HNF4G: variants seen among roughly 807,000 people sequenced by gnomAD.
HNF4G encodes the protein hepatocyte nuclear factor 4-gamma.
A neutral mutation model predicts 50.9 loss-of-function variants in HNF4G; 21 were observed. The observed-to-expected ratio is 0.41, with a 90% CI of 0.29 to 0.59. The LOEUF is 0.59. Among genes scored for constraint, HNF4G ranks in the 20% least tolerant of loss-of-function variants. The pLI is 0.26. For synonymous variants in HNF4G, 198 were observed against 185.6 expected (o/e 1.07, Z -0.54); for missense variants, 527 against 559.4 (o/e 0.94, Z 0.58).
intron 1 of HNF4G, among the ~76,000 whole-genome samples, chr8:75,464,673 T>C (rs1811927250): frequency 6.6e-6 from 1 of 152,160 alleles, no homozygotes; most frequent in Admixed American, 6.5e-5. Context: ...TTTTATGGAG[T>C]CTATCAGATT....
chr8:75,525,496 C>T (rs1258518457), intron 2 of HNF4G, among the ~76,000 whole-genome samples: 1 of 152,114 alleles, frequency 6.6e-6, no homozygotes, highest in African/African-American at 2.4e-5. Flanking sequence ...AATATGTCAG[C>T]TTTAATGAGC....
At chr8:75,532,339 A>G (rs564113075) in intron 2 of HNF4G, among the ~76,000 whole-genome samples, 2 of 152,102 alleles carry the variant, frequency 1.3e-5, no homozygotes, top group South Asian at 4.1e-4. Flanking sequence ...TAAATACTAG[A>G]ACATAAAAAA....
intron 1 of HNF4G, among the ~76,000 whole-genome samples, chr8:75,458,322 A>C (rs1563514637): frequency 6.6e-6 from 1 of 151,846 alleles, no homozygotes; most frequent in Non-Finnish European, 1.5e-5. Context: ...GAAAGGAAAA[A>C]AATCAGCAGA....
chr8:75,439,561 C>G (rs556515524), intron 1 of HNF4G, among the ~76,000 whole-genome samples: 1 of 151,882 alleles, frequency 6.6e-6, no homozygotes, highest in African/African-American at 2.4e-5. Flanking sequence ...TACATTTTTT[C>G]TTAGAAAGAA....
intron 1 of HNF4G, among the ~76,000 whole-genome samples, chr8:75,461,183 C>T (rs986654175): frequency 2.6e-5 from 4 of 152,070 alleles, no homozygotes; most frequent in African/African-American, 7.2e-5. Flanking sequence ...TTTTACAGCT[C>T]GAGGTCAGAA....
At chr8:75,468,488 G>T (rs560539889) in intron 1 of HNF4G, among the ~76,000 whole-genome samples, 1 of 152,142 alleles carries the variant, frequency 6.6e-6, no homozygotes, top group Non-Finnish European at 1.5e-5. Flanking sequence ...GAGGTCAGGA[G>T]TTCGAGACCA....
chr8:75,548,207 A>G (rs1402544646), intron 3 of HNF4G, among the ~76,000 whole-genome samples: 1 of 151,612 alleles, frequency 6.6e-6, no homozygotes. Context: ...CTGGTCTTGA[A>G]CTCCTGACCT....
chr8:75,478,679 G>T (rs913934347), intron 1 of HNF4G, among the ~76,000 whole-genome samples: 1 of 152,090 alleles, frequency 6.6e-6, no homozygotes, highest in Non-Finnish European at 1.5e-5. Flanking sequence ...GACTTAGTTT[G>T]CTCATGTATA....
At chr8:75,430,011 C>T (rs1205519048) in intron 1 of HNF4G, among the ~76,000 whole-genome samples, 4 of 151,878 alleles carry the variant, frequency 2.6e-5, no homozygotes, top group Non-Finnish European at 5.9e-5. Flanking sequence ...ATTAGCCAGG[C>T]ATGGTGGCAT....
intron 1 of HNF4G, among the ~76,000 whole-genome samples, chr8:75,429,060 T>G (rs1810949193): frequency 6.6e-6 from 1 of 152,144 alleles, no homozygotes; most frequent in Non-Finnish European, 1.5e-5. Context: ...ATAAGGGACT[T>G]CGTAATAATT....
At chr8:75,409,957 T>C (rs1810461275) in intron 1 of HNF4G, among the ~76,000 whole-genome samples, 1 of 152,230 alleles carries the variant, frequency 6.6e-6, no homozygotes, top group African/African-American at 2.4e-5. Context: ...AATCTCTATG[T>C]GTATAACACA....
At chr8:75,451,292 C>T (rs909673193) in intron 1 of HNF4G, among the ~76,000 whole-genome samples, 1 of 151,758 alleles carries the variant, frequency 6.6e-6, no homozygotes, top group African/African-American at 2.4e-5. Context: ...CAGGTTGTCC[C>T]TTTACTCTGT....
At chr8:75,519,269 ATTT>A (rs1192555668) in intron 2 of HNF4G, among the ~76,000 whole-genome samples, 5 of 152,194 alleles carry the variant, frequency 3.3e-5, no homozygotes, top group African/African-American at 1.2e-4. Flanking sequence ...CGCTATTAGC[ATTT>A]TGGTCAAAAC....
At chr8:75,509,634 T>C (rs1365078872) in intron 2 of HNF4G, among the ~76,000 whole-genome samples, 2 of 152,144 alleles carry the variant, frequency 1.3e-5, no homozygotes, top group East Asian at 3.9e-4. Context: ...CAAAACACAG[T>C]CACGTGATGT....
chr8:75,493,281 TTGAG>T (rs1387767993), intron 2 of HNF4G, among the ~76,000 whole-genome samples: 8 of 152,060 alleles, frequency 5.3e-5, no homozygotes, highest in Admixed American at 5.2e-4. Flanking sequence ...ACTGAGTAGA[TTGAG>T]TTTCATGTCC....
chr8:75,494,731 T>A (rs1812724763), intron 2 of HNF4G, among the ~76,000 whole-genome samples: 2 of 152,024 alleles, frequency 1.3e-5, no homozygotes, highest in Non-Finnish European at 2.9e-5. Flanking sequence ...TTTGAAAGGA[T>A]TAACTTTTAG....
At chr8:75,488,105 G>T (rs961010989) in intron 1 of HNF4G, among the ~76,000 whole-genome samples, 13 of 152,108 alleles carry the variant, frequency 8.5e-5, no homozygotes, top group Non-Finnish European at 1.5e-4. Context: ...TGAGATTTGG[G>T]TGGGGACACA....
chr8:75,454,787 A>T (rs1018771400), intron 1 of HNF4G, among the ~76,000 whole-genome samples: 5 of 152,092 alleles, frequency 3.3e-5, no homozygotes, highest in African/African-American at 1.2e-4. Context: ...ATATTTAGTT[A>T]TTTTTGTGGT....
At chr8:75,436,933 A>C (rs1394021721) in intron 1 of HNF4G, among the ~76,000 whole-genome samples, 1 of 152,174 alleles carries the variant, frequency 6.6e-6, no homozygotes, top group Non-Finnish European at 1.5e-5. Context: ...AGTCCCAGCT[A>C]CTCAGAAGGC....
Sources: gnomAD v4.1 joint callset for allele counts (sites outside exome capture counted in the v4.1 genomes callset) on GRCh38, gnomAD v4.1.1 for gene constraint, MANE v1.5 for transcripts, NCBI Gene and HGNC (gene_info 2026-07-23, HGNC 2026-07-21) for gene names.